RYR2: variants seen among roughly 807,000 people sequenced by gnomAD.
RYR2 encodes ryanodine receptor 2.
A neutral mutation model predicts 601.1 loss-of-function variants in RYR2; 227 were observed. That is an observed-to-expected ratio of 0.38 (90% CI 0.34 to 0.42). The LOEUF (loss-of-function observed/expected upper bound fraction) is 0.42. Ranked by LOEUF, RYR2 falls within the 10% of genes least tolerant of loss-of-function variation. The pLI, the probability that RYR2 is intolerant of heterozygous loss-of-function variation, is 1.00. For synonymous variants in RYR2, 2,223 were observed against 2,175.1 expected (o/e 1.02, Z -0.61); for missense variants, 4,646 against 6,156.5 (o/e 0.75, Z 8.21).
intron 24 of RYR2, among the ~76,000 whole-genome samples, chr1:237,529,420 A>G (rs2147930003): frequency 6.6e-6 from 1 of 152,278 alleles, no homozygotes. Flanking sequence ...GTATAAGCTT[A>G]TATGTATCTG....
chr1:237,416,229 T>C (rs1704966187), intron 10 of RYR2, among the ~76,000 whole-genome samples: 1 of 152,142 alleles, frequency 6.6e-6, no homozygotes, highest in African/African-American at 2.4e-5. Context: ...GGAGTAGACA[T>C]GGTATTACTG....
intron 100 of RYR2, among the ~76,000 whole-genome samples, chr1:237,814,852 A>G (rs1281038301): frequency 6.6e-6 from 1 of 151,416 alleles, no homozygotes; most frequent in Non-Finnish European, 1.5e-5. Flanking sequence ...TGAAAAGTAC[A>G]CTCCTAGGGA....
At chr1:237,822,946 C>T (rs1249318562) in intron 101 of RYR2, among the ~76,000 whole-genome samples, 2 of 152,148 alleles carry the variant, frequency 1.3e-5, no homozygotes, top group African/African-American at 4.8e-5. Flanking sequence ...AAGGGCATTA[C>T]ATAATGGTAA....
chr1:237,602,892 C>T (rs1055254052), intron 35 of RYR2, among the ~76,000 whole-genome samples: 1 of 152,108 alleles, frequency 6.6e-6, no homozygotes, highest in Non-Finnish European at 1.5e-5. Context: ...TGAGAATAAT[C>T]AGTAGCAATG....
At chr1:237,540,075 G>A (rs950481803) in intron 25 of RYR2, among the ~76,000 whole-genome samples, 1 of 151,982 alleles carries the variant, frequency 6.6e-6, no homozygotes, top group Non-Finnish European at 1.5e-5. Context: ...ACAGTGAAGA[G>A]CACAACACAT....
intron 1 of RYR2, among the ~76,000 whole-genome samples, chr1:237,071,785 C>T (rs1365602692): frequency 6.6e-6 from 1 of 152,214 alleles, no homozygotes; most frequent in East Asian, 1.9e-4. Flanking sequence ...AGGCTGTGCA[C>T]ACCGAGGGGT....
rs376389213 is a variant in RYR2, at chr1:237,623,875, G to A, written c.6022+5G>A. ...AAGATTTGATGACACATTGTGGTAA[G>A]GTCTTTTTGATTAAAAGCTTTTATT... On this transcript the variant is annotated splice_donor_5th_base_variant and intron_variant, in intron 39 of 104. Transcript: ENST00000366574. 1.6e-4 allele frequency: 260 copies of A among 1,578,252 alleles called. No homozygotes were observed. The highest frequency in any genetic ancestry group is 2.2e-4 in the Non-Finnish European group (252 of 1,148,026).
chr1:237,500,577 C>A, intron 20 of RYR2, 134 bp from the exon 21 acceptor site: 1 of 681,912 alleles, frequency 1.5e-6, no homozygotes, highest in Non-Finnish European at 2.4e-6. Flanking sequence ...CATGCGTTTA[C>A]ATTCAAGATT....
intron 5 of RYR2, among the ~76,000 whole-genome samples, chr1:237,366,351 G>A (rs941500649): frequency 4.6e-5 from 7 of 152,154 alleles, no homozygotes; most frequent in African/African-American, 1.7e-4. Context: ...CTGAGGCCAG[G>A]ATTCTCATGG....
intron 1 of RYR2, among the ~76,000 whole-genome samples, chr1:237,104,995 A>G (rs1433083730): frequency 3.3e-5 from 5 of 152,198 alleles, no homozygotes; most frequent in African/African-American, 1.2e-4. Flanking sequence ...TTTCTGGCAG[A>G]CTGTCAGGGA....
At chr1:237,506,173 T>C (rs1393155219) in intron 22 of RYR2, among the ~76,000 whole-genome samples, 4 of 151,864 alleles carry the variant, frequency 2.6e-5, no homozygotes, top group Admixed American at 6.6e-5. Context: ...TTTTTTTTTT[T>C]TTCTGGTGGC....
In RYR2 at chr1:237,371,146, C is replaced by T. The variant is rs1217054380; in HGVS notation, c.384+1538C>T. Among the ~76,000 whole-genome samples the T allele has an allele frequency of 5.3e-5, 8 of 151,422 alleles. No homozygotes were observed. In the South Asian group the frequency reaches 6.2e-4, roughly 12 times the overall value. ...TTTAAACATAATTGAGATGTTACTA[C>T]GTTACCAAATTTATATCATTTTGTT... On this transcript the variant is annotated intron_variant, in intron 6 of 104. Transcript: ENST00000366574.
At chr1:237,476,494 C>T (rs1204264132) in intron 17 of RYR2, among the ~76,000 whole-genome samples, 1 of 117,648 alleles carries the variant, frequency 8.5e-6, no homozygotes. Flanking sequence ...TGGGTGATAG[C>T]GTGAGACTCT....
At chr1:237,110,019 G>C (rs959270989) in intron 1 of RYR2, among the ~76,000 whole-genome samples, 1 of 152,034 alleles carries the variant, frequency 6.6e-6, no homozygotes, top group Admixed American at 6.6e-5. Context: ...CTAATCCCCC[G>C]GCCCCACTTT....
intron 2 of RYR2, among the ~76,000 whole-genome samples, chr1:237,308,311 C>T (rs1283649747): frequency 2.0e-5 from 3 of 152,262 alleles, no homozygotes; most frequent in Non-Finnish European, 4.4e-5. Flanking sequence ...AGCATTGTAC[C>T]TAGGGTGGAC....
chr1:237,539,502 T>C (rs1669023646), intron 25 of RYR2, among the ~76,000 whole-genome samples: 1 of 152,238 alleles, frequency 6.6e-6, no homozygotes, highest in Non-Finnish European at 1.5e-5. Context: ...TGGAATTAAA[T>C]GCTATATTCC....
intron 83 of RYR2, among the ~76,000 whole-genome samples, chr1:237,760,100 T>G (rs188098943): frequency 6.6e-6 from 1 of 151,566 alleles, no homozygotes; most frequent in Admixed American, 6.6e-5. Context: ...ATCCCAGAGC[T>G]TTGGGAGGAA....
At chr1:237,338,084 G>GT (rs1193447932) in intron 3 of RYR2, among the ~76,000 whole-genome samples, 1 of 152,108 alleles carries the variant, frequency 6.6e-6, no homozygotes, top group Non-Finnish European at 1.5e-5. Flanking sequence ...ATGTCACATC[G>GT]TCACAGGTGC....
At chr1:237,711,626 T>C in intron 70 of RYR2, 119 bp from the exon 71 acceptor site, 1 of 641,900 alleles carries the variant, frequency 1.6e-6, no homozygotes, top group Non-Finnish European at 2.8e-6. Flanking sequence ...CCTTTTTTGA[T>C]AATTCTTATA....
Sources: gnomAD v4.1 joint callset for allele counts (sites outside exome capture counted in the v4.1 genomes callset) on GRCh38, gnomAD v4.1.1 for gene constraint, MANE v1.5 for transcripts, NCBI Gene and HGNC (gene_info 2026-07-23, HGNC 2026-07-21) for gene names.